The following KMT2E variants were observed in gnomAD, a reference collection of about 807,000 sequenced individuals.
The protein encoded by KMT2E is histone reader KMT2E.
Under a neutral mutation model 184.6 loss-of-function variants are expected in KMT2E, and 30 were observed. That is an observed-to-expected ratio of 0.16 (90% CI 0.12 to 0.22). The LOEUF is 0.22. Among genes scored for constraint, KMT2E ranks in the 10% least tolerant of loss-of-function variants. KMT2E has a pLI of 1.00. For synonymous variants in KMT2E, 815 were observed against 776.5 expected (o/e 1.05, Z -0.82); for missense variants, 2,023 against 2,237.4 (o/e 0.90, Z 1.93).
Position 105,040,935 on chromosome 7 carries a change from T to A in KMT2E, c.-18T>A. 6.2e-7 allele frequency: 1 copy of A among 1,604,678 alleles called. No individual in the cohort carries two copies. The highest frequency in any genetic ancestry group is 8.5e-7 in the Non-Finnish European group (1 of 1,174,680). ...GCATAGGACTCCATAGTAATCGAAT[T>A]TACCAGAGGCGAACGTCATGAGCAT... On this transcript the variant is annotated 5_prime_UTR_variant, in exon 3 of 27. Coordinates refer to ENST00000311117, the MANE Select transcript of KMT2E (RefSeq NM_182931.3).
chr7:105,079,619 T>C (rs1713446478), intron 12 of KMT2E, among the ~76,000 whole-genome samples: 1 of 141,688 alleles, frequency 7.1e-6, no homozygotes, highest in Non-Finnish European at 1.5e-5. Context: ...TGACCTCTCA[T>C]GCTCAAGTGA....
At chr7:105,094,670 T>C (rs1254687866) in intron 15 of KMT2E, among the ~76,000 whole-genome samples, 1 of 152,184 alleles carries the variant, frequency 6.6e-6, no homozygotes, top group East Asian at 1.9e-4. Flanking sequence ...CTCCATGTAA[T>C]CACCAAATTT....
At chr7:105,110,193 G>T in intron 23 of KMT2E, 87 bp from the exon 24 acceptor site, 1 of 1,050,220 alleles carries the variant, frequency 9.5e-7, no homozygotes, top group Non-Finnish European at 1.5e-6. Flanking sequence ...AAAAGCCTTG[G>T]TCTGACAGTA....
intron 1 of KMT2E, among the ~76,000 whole-genome samples, chr7:105,026,928 T>C (rs1795198464): frequency 6.6e-6 from 1 of 152,208 alleles, no homozygotes; most frequent in Non-Finnish European, 1.5e-5. Context: ...TTAAGGATTT[T>C]GGGAAAAGCA....
intron 3 of KMT2E, among the ~76,000 whole-genome samples, chr7:105,042,726 C>T (rs1206208870): frequency 6.6e-6 from 1 of 152,046 alleles, no homozygotes; most frequent in Non-Finnish European, 1.5e-5. Context: ...TTCATTTGCT[C>T]TTTATTTTTA....
intron 1 of KMT2E, among the ~76,000 whole-genome samples, chr7:105,024,116 GAGA>G (rs1351754040): frequency 5.9e-5 from 9 of 152,090 alleles, no homozygotes; most frequent in Non-Finnish European, 4.4e-5. Flanking sequence ...TTTCAGACAG[GAGA>G]AGAAAATTTT....
At chr7:105,049,158 G>T (rs932917210) in intron 3 of KMT2E, among the ~76,000 whole-genome samples, 1 of 152,112 alleles carries the variant, frequency 6.6e-6, no homozygotes, top group African/African-American at 2.4e-5. Context: ...AGTGAAATAA[G>T]TGCTGGCCAG....
intron 13 of KMT2E, among the ~76,000 whole-genome samples, chr7:105,087,423 T>G (rs1211299081): frequency 1.3e-5 from 2 of 149,676 alleles, no homozygotes; most frequent in African/African-American, 4.9e-5. Context: ...GTCTTTTTCT[T>G]TTTTTTTGTT....
intron 1 of KMT2E, among the ~76,000 whole-genome samples, chr7:105,015,728 C>T (rs2129563662): frequency 6.6e-6 from 1 of 152,236 alleles, no homozygotes; most frequent in Non-Finnish European, 1.5e-5. Flanking sequence ...CTCCACACCC[C>T]ATGCAGTGCG....
chr7:105,031,636 C>G (rs1398671640), intron 1 of KMT2E, among the ~76,000 whole-genome samples: 2 of 149,260 alleles, frequency 1.3e-5, no homozygotes, highest in East Asian at 4.1e-4. Flanking sequence ...CCTGTAATGC[C>G]ACCTAATTGG....
At chr7:105,107,138 T>A in intron 20 of KMT2E, 28 bp from the exon 21 acceptor site, 1 of 1,240,668 alleles carries the variant, frequency 8.1e-7, no homozygotes, top group South Asian at 1.4e-5. Context: ...TTTTAAATTT[T>A]CAATTCTAAT....
At position 105,090,203 on chromosome 7, in the gene KMT2E, A is replaced by G; in HGVS notation, c.1553A>G (p.Asn518Ser). 1 of 1,610,372 alleles carries G rather than the reference A, an allele frequency of 6.2e-7. No homozygotes were observed. The highest frequency in any genetic ancestry group is 1.1e-5 in the South Asian group (1 of 90,144). The change falls in exon 14 of 27, where the codon AAC becomes AGC. Residue 518 changes from asparagine to serine, a missense_variant. Physicochemically the swap from Asn to Ser is conservative, Grantham distance 46. Around this residue, in one of 8 missense-constraint regions of KMT2E, gnomAD observed 514 missense variants for 621.8 expected, o/e 0.83. Transcript: ENST00000311117. ...NITLDCEGTT[N>S]KMKSPETKQR... ...ACTTTGGATTGTGAAGGAACGACCAACAAAATGAAGAGCCCAGAAACTAAA... is the reference window on the plus strand; with the variant it reads ...ACTTTGGATTGTGAAGGAACGACCAGCAAAATGAAGAGCCCAGAAACTAAA...
intron 3 of KMT2E, among the ~76,000 whole-genome samples, chr7:105,051,936 C>G (rs1230080701): frequency 6.6e-6 from 1 of 152,130 alleles, no homozygotes; most frequent in Non-Finnish European, 1.5e-5. Flanking sequence ...CTACTGTTGT[C>G]CTCATCCAGG....
chr7:105,081,225 C>CA lies in KMT2E; in HGVS notation c.1249-454dup, dbSNP rs1040217519. 2.7e-4 allele frequency among the ~76,000 whole-genome samples: 40 copies of CA among 149,886 alleles called. No homozygotes were observed. In the East Asian group the frequency reaches 3.1e-3, roughly 12 times the overall value. ...TGAAAACTCGTCTCTACTAAAAATA[C>CA]AAAAAAAAATAAGCCGGGCATGGTG... On this transcript the variant is annotated intron_variant, in intron 12 of 26. Coordinates refer to ENST00000311117, the MANE Select transcript of KMT2E (RefSeq NM_182931.3).
At chr7:105,024,493 G>T (rs1795090939) in intron 1 of KMT2E, among the ~76,000 whole-genome samples, 1 of 152,114 alleles carries the variant, frequency 6.6e-6, no homozygotes, top group Non-Finnish European at 1.5e-5. Flanking sequence ...TGACTTAAGA[G>T]AACTCTTTGT....
Position 105,043,963 on chromosome 7 carries a change from C to T in KMT2E, c.71+2940C>T, listed in dbSNP as rs927957594. 4.6e-5 allele frequency among the ~76,000 whole-genome samples: 7 copies of T among 151,980 alleles called. No homozygotes were observed. The South Asian group carries it at 6.2e-4, about 13-fold the overall frequency. ...TTTTTTAAAAATTAGCTGGGCATGG[C>T]AGCGCATGCCTGTAGTCCCAGCTAC... On this transcript the variant is annotated intron_variant, in intron 3 of 26. Coordinates refer to ENST00000311117, the MANE Select transcript of KMT2E (RefSeq NM_182931.3).
intron 3 of KMT2E, among the ~76,000 whole-genome samples, chr7:105,044,391 T>G (rs935101109): frequency 6.6e-6 from 1 of 152,190 alleles, no homozygotes; most frequent in African/African-American, 2.4e-5. Context: ...CTTTAAGGTA[T>G]TTTTTTCTTT....
intron 26 of KMT2E, 30 bp from the exon 27 acceptor site, chr7:105,111,795 G>A: frequency 6.4e-7 from 1 of 1,572,280 alleles, no homozygotes; most frequent in Non-Finnish European, 8.6e-7. Flanking sequence ...AATGTTCCTT[G>A]AATGTATATA....
intron 1 of KMT2E, among the ~76,000 whole-genome samples, chr7:105,016,637 T>C (rs1254735917): frequency 6.6e-6 from 1 of 152,210 alleles, no homozygotes; most frequent in Non-Finnish European, 1.5e-5. Context: ...GAGTTCTTTT[T>C]GGGTTGAACT....
Sources: allele counts gnomAD v4.1 joint callset (sites outside exome capture counted in the v4.1 genomes callset), GRCh38; gene constraint gnomAD v4.1.1; regional missense constraint gnomAD v4.1.1; transcripts MANE v1.5; gene names NCBI Gene and HGNC (gene_info 2026-07-23, HGNC 2026-07-21).